Variants in PTGDR observed in about 807,000 individuals in gnomAD.
PTGDR encodes the protein prostaglandin D2 receptor, also known as PGD2 receptor.
A neutral mutation model predicts 17.4 loss-of-function variants in PTGDR; 19 were observed. The observed-to-expected ratio is 1.09, with a 90% CI of 0.76 to 1.60. The LOEUF (loss-of-function observed/expected upper bound fraction) is 1.60. Among genes scored for constraint, PTGDR ranks in the 40% most tolerant of loss-of-function variants. The pLI, the probability that PTGDR is intolerant of heterozygous loss-of-function variation, is 0.00. For missense variants in PTGDR, 526 were observed against 481.9 expected (o/e 1.09, Z -0.86); for synonymous variants, 267 against 224.2 (o/e 1.19, Z -1.71).
At position 52,275,110 on chromosome 14, in the gene PTGDR, A is replaced by G. The variant is rs962605660; in HGVS notation, c.*146A>G. The G allele has an allele frequency of 1.5e-6, 1 of 670,996 alleles. No homozygotes were observed. The highest frequency in any genetic ancestry group is 2.5e-6 in the Non-Finnish European group (1 of 404,154). 41.6% of individuals were successfully genotyped at this position (670,996 alleles called of 1,614,324 possible). A position where few individuals can be genotyped will look rare whatever the true frequency, so the allele number is the denominator to read the frequency against. ...AGCATGTATATGTATTTTCAAAAGTATTTGATATCTTAACAATGTGTTACC... is the reference window on the plus strand; with the variant it reads ...AGCATGTATATGTATTTTCAAAAGTGTTTGATATCTTAACAATGTGTTACC... On this transcript the variant is annotated 3_prime_UTR_variant, in exon 2 of 2. Coordinates refer to ENST00000306051, the MANE Select transcript of PTGDR (RefSeq NM_000953.3).
At chr14:52,273,185 G>GT (rs1292330507) in intron 1 of PTGDR, among the ~76,000 whole-genome samples, 1 of 151,710 alleles carries the variant, frequency 6.6e-6, no homozygotes, top group Non-Finnish European at 1.5e-5. Context: ...GCTGATTTTT[G>GT]TATTTTTAGT....
Position 52,268,555 on chromosome 14 carries a change from C to T in PTGDR, c.741C>T (p.Arg247=), listed in dbSNP as rs756089997. Residue 247 remains arginine (R), a synonymous_variant, in exon 1 of 2, where the codon CGC becomes CGT. Coordinates refer to ENST00000306051, the MANE Select transcript of PTGDR (RefSeq NM_000953.3). ...RSCTRDCAEP[R]ADGREASPQP... ...GCACCAGGGACTGTGCCGAGCCGCG[C>T]GCGGACGGGAGGGAAGCGTCCCCTC... 2.5e-6 allele frequency: 4 copies of T among 1,612,708 alleles called. No homozygotes were observed. The South Asian group carries it at 3.3e-5, about 13-fold the overall frequency.
At chr14:52,272,537 A>G (rs1190170866) in intron 1 of PTGDR, among the ~76,000 whole-genome samples, 1 of 152,032 alleles carries the variant, frequency 6.6e-6, no homozygotes, top group African/African-American at 2.4e-5. Context: ...TGTGAGAAGA[A>G]CGCCCTCTGA....
chr14:52,268,676 C>T lies in PTGDR; in HGVS notation c.846+16C>T. ...GCCCGTAATTGTGAGTCCCCGGGCC[C>T]CGAGGCAGCAGGGCACTGAGACTGT... On this transcript the variant is annotated intron_variant, in intron 1 of 1. Transcript: ENST00000306051. 1 of 1,551,698 alleles carries T rather than the reference C, an allele frequency of 6.4e-7. No individual in the cohort carries two copies. Among genetic ancestry groups the T allele is most frequent in the South Asian group, 1.2e-5 (1 of 81,286 alleles).
In PTGDR at chr14:52,268,218, G is replaced by A. The variant is rs775455687; in HGVS notation, c.404G>A (p.Gly135Glu). 1 of 1,614,058 alleles carries A rather than the reference G, an allele frequency of 6.2e-7. No individual in the cohort carries two copies. The highest frequency in any genetic ancestry group is 1.7e-5 in the Admixed American group (1 of 60,034). Residue 135 changes from glycine to glutamate, a missense_variant, in exon 1 of 2, where the codon GGG (glycine) becomes GAG (glutamate). Physicochemically the swap from Gly to Glu is moderately conservative, Grantham distance 98. Coordinates refer to ENST00000306051, the MANE Select transcript of PTGDR (RefSeq NM_000953.3). ...AMALECWLSLGHPFFYRRHIT... is the reference protein window; with the variant it reads ...AMALECWLSLEHPFFYRRHIT... ...GCACTGGAGTGCTGGCTCTCCCTAG[G>A]GCACCCTTTCTTCTACCGACGGCAC... is the stretch of plus-strand genomic sequence containing the variant.
chr14:52,272,468 A>T (rs956127899), intron 1 of PTGDR, among the ~76,000 whole-genome samples: 53 of 27,530 alleles, frequency 1.9e-3, no homozygotes, highest in African/African-American at 7.1e-3. Flanking sequence ...CTCTGTCTTA[A>T]AAAAAAAAAA....
In PTGDR at chr14:52,268,631, C is replaced by G. The variant is rs753696731; in HGVS notation, c.817C>G (p.Leu273Val). The G allele has an allele frequency of 1.3e-6, 2 of 1,598,322 alleles. No homozygotes were observed. The highest frequency in any genetic ancestry group is 4.5e-5 in the East Asian group (2 of 44,754). ...CCTGCTGCTGGCGCTGATGACCGTGCTCTTCACTATGTGTTCTCTGCCCGT... is the reference window on the plus strand; with the variant it reads ...CCTGCTGCTGGCGCTGATGACCGTGGTCTTCACTATGTGTTCTCTGCCCGT... ...HLLLLALMTV[L>V]FTMCSLPVIY... Residue 273 changes from leucine (L) to valine (V), a missense_variant, in exon 1 of 2, where the codon CTC becomes GTC. By Grantham distance (32) the Leu-to-Val change is conservative. Transcript: ENST00000306051.
Position 52,275,352 on chromosome 14 carries a change from G to A in PTGDR, c.*388G>A, listed in dbSNP as rs2033404970. On this transcript the variant is annotated 3_prime_UTR_variant, in exon 2 of 2. Transcript: ENST00000306051. ...GAAACACCACTGTTTACGATTATAC[G>A]ATGGACATTCATAAAAAGCATAATT... The A allele has an allele frequency of 6.1e-6, 1 of 163,498 alleles. No individual in the cohort carries two copies. The highest frequency in any genetic ancestry group is 1.3e-5 in the Non-Finnish European group (1 of 75,084). 10.1% of individuals were successfully genotyped at this position (163,498 alleles called of 1,614,324 possible).
Position 52,268,306 on chromosome 14 carries a change from C to T in PTGDR, c.492C>T (p.Cys164=), listed in dbSNP as rs372199382. The stretch of plus-strand genomic sequence containing the variant: ...TGAGCGCCTTCTCCCTGGCTTTCTG[C>T]GCGCTACCTTTCATGGGCTTCGGGA... ...PVVSAFSLAF[C]ALPFMGFGKF... Residue 164 remains cysteine (C), a synonymous_variant, in exon 1 of 2, where the codon TGC becomes TGT. Coordinates refer to ENST00000306051, the MANE Select transcript of PTGDR (RefSeq NM_000953.3). 8.7e-6 allele frequency: 14 copies of T among 1,613,764 alleles called. No homozygotes were observed. The highest frequency in any genetic ancestry group is 1.3e-5 in the African/African-American group (1 of 74,948).
chr14:52,280,275 T>C (rs942829567), downstream of PTGDR, among the ~76,000 whole-genome samples: 10 of 152,164 alleles, frequency 6.6e-5, no homozygotes, highest in Admixed American at 5.2e-4. Context: ...TAGAAAATAC[T>C]TTTTATTCCC....
rs199923439 is a variant in PTGDR at position 52,267,723 on chromosome 14, G to A, written c.-92G>A. On this transcript the variant is annotated 5_prime_UTR_variant, in exon 1 of 2. Coordinates refer to ENST00000306051, the MANE Select transcript of PTGDR (RefSeq NM_000953.3). ...GTGGCGCAGCTTCTCCGCCCGAGCC[G>A]CGCGCGGAGCTGCCGGGGGCTCCTT... The A allele has an allele frequency of 1.0e-4, 147 of 1,437,656 alleles. No individual in the cohort carries two copies. Among genetic ancestry groups the A allele is most frequent in the Non-Finnish European group, 1.3e-4 (140 of 1,102,094 alleles). 89.1% of individuals were successfully genotyped at this position (1,437,656 alleles called of 1,614,324 possible).
chr14:52,267,939 C>A lies in PTGDR; in HGVS notation c.125C>A (p.Ala42Glu), dbSNP rs774971080. Residue 42 changes from alanine (A) to glutamate (E), a missense_variant, in exon 1 of 2, where the codon GCG (alanine) becomes GAG (glutamate). By Grantham distance (107) the Ala-to-Glu change is moderately radical. Coordinates refer to ENST00000306051, the MANE Select transcript of PTGDR (RefSeq NM_000953.3). ...AACCTGCTGGCCCTGGGGCTGCTGGCGCGCTCGGGGCTGGGGTGGTGCTCG... is the reference window on the plus strand; with the variant it reads ...AACCTGCTGGCCCTGGGGCTGCTGGAGCGCTCGGGGCTGGGGTGGTGCTCG... Reference protein sequence around the residue: ...LGNLLALGLLARSGLGWCSRR... With the variant: ...LGNLLALGLLERSGLGWCSRR... The A allele has an allele frequency of 6.2e-7, 1 of 1,609,922 alleles. No individual in the cohort carries two copies. The highest frequency in any genetic ancestry group is 8.5e-7 in the Non-Finnish European group (1 of 1,179,080).
At position 52,276,184 on chromosome 14, in the gene PTGDR, C is replaced by T. The variant is rs2033421334; in HGVS notation, c.*1220C>T. ...CTGCAACTGAAGCGGAGACTCTAAA[C>T]CCAGCTTGCAGGTAAGAGCTTTCAC... is the stretch of plus-strand genomic sequence containing the variant. On this transcript the variant is annotated 3_prime_UTR_variant, in exon 2 of 2. Transcript: ENST00000306051. The T allele has an allele frequency of 6.6e-6, 1 of 152,124 alleles. No individual in the cohort carries two copies. The highest frequency in any genetic ancestry group is 1.5e-5 in the Non-Finnish European group (1 of 68,034). 9.4% of individuals were successfully genotyped at this position (152,124 alleles called of 1,614,324 possible).
At chr14:52,280,717 T>G (rs2033476696), downstream of PTGDR, among the ~76,000 whole-genome samples, 1 of 152,244 alleles carries the variant, frequency 6.6e-6, no homozygotes, top group East Asian at 1.9e-4. Flanking sequence ...TATGTAAAAA[T>G]GCAGATTCAC....
Position 52,268,214 on chromosome 14 carries a change from C to A in PTGDR, c.400C>A (p.Leu134Ile). Residue 134 changes from leucine (L) to isoleucine (I), a missense_variant, in exon 1 of 2, where the codon CTA becomes ATA. Leu to Ile is a conservative substitution (Grantham distance 5). Coordinates refer to ENST00000306051, the MANE Select transcript of PTGDR (RefSeq NM_000953.3). ...CATGGCACTGGAGTGCTGGCTCTCC[C>A]TAGGGCACCCTTTCTTCTACCGACG... ...LAMALECWLS[L>I]GHPFFYRRHI... is the part of the protein sequence containing the mutation. The A allele has an allele frequency of 6.2e-7, 1 of 1,614,038 alleles. No homozygotes were observed. Among genetic ancestry groups the A allele is most frequent in the Middle Eastern group, 1.6e-4 (1 of 6,062 alleles).
At chr14:52,280,517 C>A (rs573844363), downstream of PTGDR, among the ~76,000 whole-genome samples, 1 of 152,198 alleles carries the variant, frequency 6.6e-6, no homozygotes, top group Non-Finnish European at 1.5e-5. Context: ...TTTGTCCACA[C>A]GGAAATTCCT....
At position 52,268,177 on chromosome 14, in the gene PTGDR, G is replaced by T. The variant is rs755453504; in HGVS notation, c.363G>T (p.Leu121=). 8.7e-6 allele frequency: 14 copies of T among 1,614,116 alleles called. No individual in the cohort carries two copies. The highest frequency in any genetic ancestry group is 1.2e-5 in the Non-Finnish European group (14 of 1,180,034). The part of the protein sequence containing the change: ...FMSFFGLSST[L]QLLAMALECW... The stretch of plus-strand genomic sequence containing the variant: ...CCTTCTTTGGGCTCTCCTCGACACT[G>T]CAACTCCTGGCCATGGCACTGGAGT... Residue 121 remains leucine, a synonymous_variant, in exon 1 of 2, where the codon CTG becomes CTT. Transcript: ENST00000306051.
chr14:52,273,645 C>T (rs1221248190), intron 1 of PTGDR, among the ~76,000 whole-genome samples: 1 of 152,088 alleles, frequency 6.6e-6, no homozygotes, highest in African/African-American at 2.4e-5. Context: ...CTGAAATGCT[C>T]TACAGAGAAG....
chr14:52,280,369 A>G (rs1318499084), downstream of PTGDR, among the ~76,000 whole-genome samples: 2 of 152,242 alleles, frequency 1.3e-5, no homozygotes, highest in Non-Finnish European at 2.9e-5. Flanking sequence ...GTGTGAAAGT[A>G]AAATAAATCT....
Sources: allele counts gnomAD v4.1 joint callset (sites outside exome capture counted in the v4.1 genomes callset), GRCh38; gene constraint gnomAD v4.1.1; transcripts MANE v1.5; gene names NCBI Gene and HGNC (gene_info 2026-07-23, HGNC 2026-07-21).